Variants in ZMIZ1 observed in about 807,000 individuals in gnomAD.
ZMIZ1 encodes the protein zinc finger MIZ-type containing 1, also known as zinc finger MIZ domain-containing protein 1.
A neutral mutation model predicts 113.9 loss-of-function variants in ZMIZ1; 17 were observed. The ratio of observed to expected loss-of-function variants is 0.15; its 90% confidence interval spans 0.10 to 0.22. The LOEUF is 0.22. Among genes scored for constraint, ZMIZ1 ranks in the 10% least tolerant of loss-of-function variants. The pLI, the probability that ZMIZ1 is intolerant of heterozygous loss-of-function variation, is 1.00. For synonymous variants in ZMIZ1, 607 were observed against 603.1 expected (o/e 1.01, Z -0.09); for missense variants, 1,059 against 1,477.8 (o/e 0.72, Z 4.65).
chr10:79,101,297 C>G (rs1843355904), intron 1 of ZMIZ1, among the ~76,000 whole-genome samples: 1 of 152,136 alleles, frequency 6.6e-6, no homozygotes, highest in African/African-American at 2.4e-5. Flanking sequence ...TGAGTAAGTC[C>G]TCTAGGATGA....
intron 1 of ZMIZ1, among the ~76,000 whole-genome samples, chr10:79,087,978 C>T (rs548506732): frequency 1.2e-4 from 18 of 152,358 alleles, no homozygotes; most frequent in African/African-American, 4.1e-4. Context: ...TGTCACCCAG[C>T]AGCACCAGCT....
chr10:79,212,755 CA>C (rs531542235), intron 6 of ZMIZ1, among the ~76,000 whole-genome samples: 18,171 of 113,756 alleles, frequency 0.16, 1,289 homozygotes, highest in Admixed American at 0.24. Flanking sequence ...GACTCTGTCT[CA>C]AAAAAAAAAA....
At chr10:79,275,956 C>T (rs180953519) in intron 7 of ZMIZ1, among the ~76,000 whole-genome samples, 36 of 152,360 alleles carry the variant, frequency 2.4e-4, no homozygotes, top group Middle Eastern at 3.4e-3. Context: ...GTGGAGTCGG[C>T]TTTGCACCCA....
chr10:79,250,475 C>T (rs1312044573), intron 7 of ZMIZ1, among the ~76,000 whole-genome samples: 1 of 152,248 alleles, frequency 6.6e-6, no homozygotes, highest in Non-Finnish European at 1.5e-5. Context: ...CTCCGGCAGC[C>T]ATCAGGGAGG....
chr10:79,076,166 A>G (rs1842468525), intron 1 of ZMIZ1, among the ~76,000 whole-genome samples: 1 of 152,184 alleles, frequency 6.6e-6, no homozygotes, highest in South Asian at 2.1e-4. Flanking sequence ...GAACCATGGA[A>G]AGAAACACTT....
At chr10:79,096,047 G>A (rs1470451810) in intron 1 of ZMIZ1, among the ~76,000 whole-genome samples, 4 of 152,178 alleles carry the variant, frequency 2.6e-5, no homozygotes, top group South Asian at 4.1e-4. Context: ...CTTCAGTTGC[G>A]GGGCTGGGAT....
chr10:79,123,698 G>A (rs979283675), intron 2 of ZMIZ1, among the ~76,000 whole-genome samples: 2 of 152,200 alleles, frequency 1.3e-5, no homozygotes, highest in African/African-American at 2.4e-5. Context: ...GGTGAGGGCT[G>A]CACTCTCCTC....
In ZMIZ1 at chr10:79,293,449, G is replaced by C; in HGVS notation, c.1026G>C (p.Met342Ile). Residue 342 changes from methionine (M) to isoleucine (I), a missense_variant, in exon 12 of 25, where the codon ATG (methionine) becomes ATC (isoleucine). By Grantham distance (10) the Met-to-Ile change is conservative. Transcript: ENST00000334512. ...CCGGGCCGCGGGGGCCTGCCTCCAT[G>C]GGGGGCAGCATGAACCCCGCGAGCA... ...NQPGPRGPASMGGSMNPASMA... is the reference protein window; with the variant it reads ...NQPGPRGPASIGGSMNPASMA... The C allele has an allele frequency of 1.3e-6, 2 of 1,541,316 alleles. No homozygotes were observed. The highest frequency in any genetic ancestry group is 1.7e-6 in the Non-Finnish European group (2 of 1,143,644).
chr10:79,299,264 AGTG>A lies in ZMIZ1; in HGVS notation c.1808+75_1808+77del, dbSNP rs545553014. On this transcript the variant is annotated intron_variant, in intron 16 of 24. Transcript: ENST00000334512. ...CCCTGGGATGGCTTCCTTGGGCCCG[AGTG>A]GGGCCCTGGGCAGGGGGTAGCAGCA... 4,220 of 1,535,568 alleles carry A rather than the reference AGTG, an allele frequency of 2.7e-3. 5 individuals carry two copies. Among genetic ancestry groups the A allele is most frequent in the Non-Finnish European group, 3.3e-3 (3,805 of 1,146,372 alleles).
intron 3 of ZMIZ1, among the ~76,000 whole-genome samples, chr10:79,151,640 A>G (rs2132453485): frequency 6.6e-6 from 1 of 152,326 alleles, no homozygotes; most frequent in South Asian, 2.1e-4. Context: ...GGCGCTGCTC[A>G]GAGCCAGCAC....
At chr10:79,205,806 C>T (rs1237606762) in intron 5 of ZMIZ1, among the ~76,000 whole-genome samples, 1 of 152,114 alleles carries the variant, frequency 6.6e-6, no homozygotes, top group African/African-American at 2.4e-5. Flanking sequence ...GGGGGCTTGA[C>T]CAAGGCCAAA....
chr10:79,165,594 C>T (rs1237560896), intron 4 of ZMIZ1, among the ~76,000 whole-genome samples: 3 of 151,926 alleles, frequency 2.0e-5, no homozygotes, highest in African/African-American at 7.2e-5. Context: ...TCAGGACCTC[C>T]AGGTGCACAC....
At chr10:79,144,897 T>A (rs1845418866) in intron 3 of ZMIZ1, among the ~76,000 whole-genome samples, 1 of 151,998 alleles carries the variant, frequency 6.6e-6, no homozygotes, top group South Asian at 2.1e-4. Flanking sequence ...GGCCCTGACC[T>A]CCTCTCTGCT....
intron 6 of ZMIZ1, among the ~76,000 whole-genome samples, chr10:79,209,783 G>C (rs1383331808): frequency 6.6e-6 from 1 of 152,250 alleles, no homozygotes; most frequent in African/African-American, 2.4e-5. Context: ...ATTTTACAGA[G>C]GAGGAAACTG....
chr10:79,286,507 C>G (rs1164826448), intron 8 of ZMIZ1, among the ~76,000 whole-genome samples: 2 of 152,266 alleles, frequency 1.3e-5, no homozygotes, highest in East Asian at 3.9e-4. Context: ...AGTCCTGAGA[C>G]TGCCCCACAC....
chr10:79,126,874 G>A (rs1317765853), intron 2 of ZMIZ1, among the ~76,000 whole-genome samples: 1 of 152,202 alleles, frequency 6.6e-6, no homozygotes, highest in Non-Finnish European at 1.5e-5. Context: ...CTCGGGGGCA[G>A]TTGGCCCAGA....
chr10:79,247,723 A>T (rs1850294766), intron 7 of ZMIZ1, among the ~76,000 whole-genome samples: 1 of 152,198 alleles, frequency 6.6e-6, no homozygotes, highest in Non-Finnish European at 1.5e-5. Flanking sequence ...TTTAGCCAGG[A>T]CACTCACATT....
chr10:79,284,793 T>A (rs1209258834), intron 8 of ZMIZ1, among the ~76,000 whole-genome samples: 1 of 152,202 alleles, frequency 6.6e-6, no homozygotes, highest in Non-Finnish European at 1.5e-5. Flanking sequence ...ACCTCTCTCC[T>A]GCTGGGCCTC....
chr10:79,244,359 G>C (rs1371768370), intron 7 of ZMIZ1, among the ~76,000 whole-genome samples: 2 of 152,364 alleles, frequency 1.3e-5, no homozygotes, highest in South Asian at 4.1e-4. Flanking sequence ...CCTTGTACAA[G>C]ACCTTGGAGA....
Sources: gnomAD v4.1 joint callset for allele counts (sites outside exome capture counted in the v4.1 genomes callset) on GRCh38, gnomAD v4.1.1 for gene constraint, MANE v1.5 for transcripts, NCBI Gene and HGNC (gene_info 2026-07-23, HGNC 2026-07-21) for gene names.